SETD3: variants seen among roughly 807,000 people sequenced by gnomAD.
SETD3 encodes the protein SET domain containing 3, actin N3(tau)-histidine methyltransferase.
SETD3 carries 19 observed loss-of-function variants against 63.0 expected under a neutral mutation model. The ratio of observed to expected loss-of-function variants is 0.30; its 90% CI spans 0.21 to 0.44. SETD3 has a LOEUF of 0.44. SETD3 is among the 20% of genes least tolerant of loss of function. The pLI is 1.00. For synonymous variants in SETD3, 286 were observed against 264.1 expected, an observed-to-expected ratio of 1.08 and a Z score of -0.80; for missense variants, 587 against 728.5, an observed-to-expected ratio of 0.81 and a Z score of 2.24.
Position 99,412,986 on chromosome 14 carries a change from G to C in SETD3, c.814C>G (p.Pro272Ala). The C allele has an allele frequency of 1.2e-6, 2 of 1,613,984 alleles. No homozygotes were observed. Among genetic ancestry groups the C allele is most frequent in the Non-Finnish European group, 1.7e-6 (2 of 1,179,902 alleles). ...GTGTGGTTACACATATCCCATAAAG[G>C]AATCAGAGCCAGGGTCACGCGGGAA... ...DGSRVTLALIPLWDMCNHTNG... is the reference protein window; with the variant it reads ...DGSRVTLALIALWDMCNHTNG... The change falls in exon 8 of 13, where the codon CCT becomes GCT. Residue 272 changes from proline (P) to alanine (A), a missense_variant. By Grantham distance (27) the Pro-to-Ala change is conservative (BLOSUM62 -1). Transcript: ENST00000331768.
rs1038632406 is a variant in SETD3 at position 99,407,989 on chromosome 14, C to T, written c.850-1399G>A. ...CTCAGAGTCCTGTCTTTTAGAGCAG[C>T]GCCCAATCTCTTAGGTTGTCTGTCG... On this transcript the variant is annotated intron_variant, in intron 8 of 12. Transcript: ENST00000331768. Among the ~76,000 whole-genome samples, 4 of 152,186 alleles carry T rather than the reference C, an allele frequency of 2.6e-5. No individual in the cohort carries two copies. The East Asian group carries it at 5.8e-4, about 22-fold the overall frequency.
intron 8 of SETD3, chr14:99,409,980 C>CG (rs764695766): frequency 1.2e-4 from 52 of 423,124 alleles, no homozygotes; most frequent in Admixed American, 7.5e-4. Context: ...TAATGGGAGG[C>CG]GGGGGGGTGA....
chr14:99,424,718 G>A (rs1352419559), intron 6 of SETD3, among the ~76,000 whole-genome samples: 1 of 152,036 alleles, frequency 6.6e-6, no homozygotes, highest in Non-Finnish European at 1.5e-5. Context: ...AACCCAGGTG[G>A]AGACAAAAGG....
intron 6 of SETD3, among the ~76,000 whole-genome samples, chr14:99,443,441 G>A (rs1264330358): frequency 6.6e-6 from 1 of 151,798 alleles, no homozygotes; most frequent in African/African-American, 2.4e-5. Context: ...TAGTAGAGAC[G>A]GGGTTTCACC....
At chr14:99,473,604 AG>A (rs1895817638) in intron 1 of SETD3, among the ~76,000 whole-genome samples, 1 of 152,120 alleles carries the variant, frequency 6.6e-6, no homozygotes, top group Admixed American at 6.5e-5. Context: ...TGACTAAGGG[AG>A]GGAATGGTCC....
At chr14:99,454,084 G>T (rs975360530) in intron 6 of SETD3, among the ~76,000 whole-genome samples, 2 of 152,154 alleles carry the variant, frequency 1.3e-5, no homozygotes, top group African/African-American at 4.8e-5. Flanking sequence ...TTGATGGTAA[G>T]TCACTTAACA....
chr14:99,453,012 T>C (rs1431024355), intron 6 of SETD3, among the ~76,000 whole-genome samples: 1 of 151,898 alleles, frequency 6.6e-6, no homozygotes. Context: ...AGGGAGAGGG[T>C]CCCCATGACC....
chr14:99,399,678 C>G (rs1216370198), intron 12 of SETD3, among the ~76,000 whole-genome samples: 1 of 150,316 alleles, frequency 6.7e-6, no homozygotes, highest in Non-Finnish European at 1.5e-5. Flanking sequence ...TGGAAAATTT[C>G]AAATGCAATC....
At chr14:99,405,600 G>A (rs1039000226) in intron 9 of SETD3, among the ~76,000 whole-genome samples, 6 of 152,146 alleles carry the variant, frequency 3.9e-5, no homozygotes, top group African/African-American at 1.4e-4. Flanking sequence ...GGAGAGGAGA[G>A]GGGAGGCCAG....
intron 6 of SETD3, among the ~76,000 whole-genome samples, chr14:99,418,823 A>C (rs1892419918): frequency 6.6e-6 from 1 of 152,158 alleles, no homozygotes; most frequent in Non-Finnish European, 1.5e-5. Context: ...AAGATAAACA[A>C]AAAGAAGAAA....
At position 99,403,455 on chromosome 14, in the gene SETD3, A is replaced by ACTCTCTCTCT. The variant is rs55804663; in HGVS notation, c.1177+760_1177+769dup. ...TACACACACACACACACACACACAC[A>ACTCTCTCTCT]CTCTCTCTCTCTCTCTCTCTCTCTC... On this transcript the variant is annotated intron_variant, in intron 11 of 12. Coordinates refer to ENST00000331768, the MANE Select transcript of SETD3 (RefSeq NM_032233.3). Among the ~76,000 whole-genome samples, 193 of 135,518 alleles carry ACTCTCTCTCT rather than the reference A, an allele frequency of 1.4e-3. 1 individual carries two copies. The highest frequency in any genetic ancestry group is 2.9e-3 in the African/African-American group (97 of 33,392). The allele number at this position is 135,518 out of a possible 152,430, so 88.9% of individuals were successfully genotyped here.
intron 1 of SETD3, among the ~76,000 whole-genome samples, chr14:99,478,518 A>G (rs932605548): frequency 5.3e-5 from 8 of 152,218 alleles, no homozygotes; most frequent in Admixed American, 3.9e-4. Context: ...AAGAAAAAAG[A>G]CTCTATGTAA....
intron 1 of SETD3, among the ~76,000 whole-genome samples, chr14:99,480,436 G>C (rs886896032): frequency 6.6e-6 from 1 of 151,694 alleles, no homozygotes; most frequent in African/African-American, 2.4e-5. Flanking sequence ...GTGGGCGCCA[G>C]AGGGGACAGG....
At chr14:99,435,649 A>G (rs1893436761) in intron 6 of SETD3, among the ~76,000 whole-genome samples, 1 of 152,164 alleles carries the variant, frequency 6.6e-6, no homozygotes, top group African/African-American at 2.4e-5. Flanking sequence ...ATGCACTTGT[A>G]AAAATCCTCT....
chr14:99,410,049 G>T, intron 8 of SETD3: 2 of 625,778 alleles, frequency 3.2e-6, no homozygotes, highest in Non-Finnish European at 2.8e-6. Context: ...AGAGGGAAAT[G>T]TAACAGGACA....
At chr14:99,465,372 A>T (rs1276721180) in intron 2 of SETD3, among the ~76,000 whole-genome samples, 2 of 152,220 alleles carry the variant, frequency 1.3e-5, no homozygotes, top group African/African-American at 4.8e-5. Flanking sequence ...AGGGTTCAGT[A>T]ATCTGCCGAG....
At chr14:99,416,330 C>G (rs1210727483) in intron 6 of SETD3, among the ~76,000 whole-genome samples, 3 of 152,110 alleles carry the variant, frequency 2.0e-5, no homozygotes, top group Non-Finnish European at 4.4e-5. Context: ...CTAAAATATC[C>G]TTAGATGAAA....
intron 6 of SETD3, among the ~76,000 whole-genome samples, chr14:99,453,106 T>C (rs1055223295): frequency 2.4e-4 from 36 of 152,178 alleles, no homozygotes; most frequent in Non-Finnish European, 4.4e-5. Flanking sequence ...TGGGAACTGA[T>C]GTAATAATCC....
intron 4 of SETD3, among the ~76,000 whole-genome samples, chr14:99,459,965 G>A (rs952330358): frequency 2.6e-5 from 4 of 152,050 alleles, no homozygotes; most frequent in African/African-American, 7.2e-5. Context: ...CCCAACCCTC[G>A]CCTCCCCACA....
Sources: allele counts gnomAD v4.1 joint callset (sites outside exome capture counted in the v4.1 genomes callset), GRCh38; gene constraint gnomAD v4.1.1; transcripts MANE v1.5; gene names NCBI Gene and HGNC (gene_info 2026-07-23, HGNC 2026-07-21).